Variants in SPATA16 observed in about 807,000 individuals in gnomAD.
SPATA16 encodes spermatogenesis associated 16.
SPATA16 carries 36 observed loss-of-function variants against 63.3 expected under a neutral mutation model. That is an observed-to-expected ratio of 0.57 (90% CI 0.44 to 0.75). SPATA16 has a LOEUF of 0.75. SPATA16 is among the 30% of genes least tolerant of loss of function. The pLI, the probability that SPATA16 is intolerant of heterozygous loss-of-function variation, is 0.00. For synonymous variants in SPATA16, 203 were observed against 216.7 expected (o/e 0.94, Z 0.56); for missense variants, 646 against 679.3 (o/e 0.95, Z 0.54).
intron 3 of SPATA16, among the ~76,000 whole-genome samples, chr3:173,030,666 G>A (rs938972968): frequency 6.6e-6 from 1 of 152,006 alleles, no homozygotes. Flanking sequence ...AACAAAGTAT[G>A]GAAGTTCCTC....
chr3:173,062,233 G>A (rs1203272797), intron 2 of SPATA16, among the ~76,000 whole-genome samples: 1 of 152,002 alleles, frequency 6.6e-6, no homozygotes, highest in Non-Finnish European at 1.5e-5. Flanking sequence ...GTTACCTAAT[G>A]TGAAAAGCAG....
rs1268742945 is a variant in SPATA16 at position 172,942,086 on chromosome 3, A to G, written c.1081+14591T>C. Among the ~76,000 whole-genome samples, 6 of 152,106 alleles carry G rather than the reference A, an allele frequency of 3.9e-5. No homozygotes were observed. The South Asian group carries it at 1.2e-3, about 32-fold the overall frequency. ...CTAAAGCCTATAATATGGCAGAAAT[A>G]ACCAAACATAACACAGAAATCGACA... On this transcript the variant is annotated intron_variant, in intron 6 of 10. Transcript: ENST00000351008.
At position 172,937,194 on chromosome 3, in the gene SPATA16, G is replaced by C. The variant is rs140342836; in HGVS notation, c.1082-11702C>G. 5.0e-3 allele frequency among the ~76,000 whole-genome samples: 756 copies of C among 152,312 alleles called. 1 individual carries two copies. The highest frequency in any genetic ancestry group is 0.014 in the Middle Eastern group (4 of 294). On this transcript the variant is annotated intron_variant, in intron 6 of 10. Transcript: ENST00000351008. ...AAATCACTTCAGAACTGGTATCAGA[G>C]GTGGGATTTGCTAGAATGGCCCTGA... is the stretch of plus-strand genomic sequence containing the variant.
chr3:173,029,874 CT>C (rs1217818477), intron 3 of SPATA16, among the ~76,000 whole-genome samples: 53 of 152,118 alleles, frequency 3.5e-4, no homozygotes, highest in African/African-American at 1.3e-3. Flanking sequence ...ACCTTAGTAG[CT>C]GGGACCACAG....
intron 2 of SPATA16, among the ~76,000 whole-genome samples, chr3:173,050,772 G>GA (rs1350307233): frequency 3.9e-5 from 6 of 151,910 alleles, no homozygotes; most frequent in Non-Finnish European, 8.8e-5. Context: ...CAATAATTTT[G>GA]AAAAAAATTA....
At chr3:173,077,421 G>A (rs528470776) in intron 2 of SPATA16, among the ~76,000 whole-genome samples, 1 of 152,310 alleles carries the variant, frequency 6.6e-6, no homozygotes, top group African/African-American at 2.4e-5. Flanking sequence ...GGAATTTCAA[G>A]CATTATTTAT....
intron 8 of SPATA16, among the ~76,000 whole-genome samples, chr3:172,921,026 C>T (rs926630165): frequency 2.0e-5 from 3 of 151,182 alleles, no homozygotes; most frequent in African/African-American, 7.3e-5. Context: ...AAGTATATTT[C>T]CTAGCCATTA....
intron 6 of SPATA16, among the ~76,000 whole-genome samples, chr3:172,937,261 G>A (rs549114095): frequency 1.3e-5 from 2 of 152,300 alleles, no homozygotes; most frequent in African/African-American, 2.4e-5. Flanking sequence ...GGATGAAATG[G>A]TGAGGGAGGA....
At chr3:173,087,015 G>A (rs1340095403) in intron 2 of SPATA16, among the ~76,000 whole-genome samples, 2 of 152,102 alleles carry the variant, frequency 1.3e-5, no homozygotes, top group Non-Finnish European at 1.5e-5. Context: ...TTGTTTTTGG[G>A]TGGAGATTTC....
chr3:173,018,311 G>T (rs940936161), intron 4 of SPATA16, among the ~76,000 whole-genome samples: 1 of 144,380 alleles, frequency 6.9e-6, no homozygotes, highest in African/African-American at 2.6e-5. Flanking sequence ...TTTCGCTCTC[G>T]TTGCCCAGGC....
intron 8 of SPATA16, among the ~76,000 whole-genome samples, chr3:172,918,987 A>T (rs1732559672): frequency 6.6e-6 from 1 of 152,242 alleles, no homozygotes; most frequent in African/African-American, 2.4e-5. Flanking sequence ...AGAAACATTC[A>T]TTGCAAAAAA....
intron 10 of SPATA16, among the ~76,000 whole-genome samples, chr3:172,904,744 T>C (rs530048122): frequency 6.6e-6 from 1 of 152,326 alleles, no homozygotes; most frequent in South Asian, 2.1e-4. Flanking sequence ...ATTTGGAGCA[T>C]TGGACTGTGG....
intron 2 of SPATA16, among the ~76,000 whole-genome samples, chr3:173,057,685 G>A (rs1404777754): frequency 1.3e-5 from 2 of 152,208 alleles, no homozygotes; most frequent in Admixed American, 6.5e-5. Flanking sequence ...GTTTAATCAC[G>A]CACCAGAGCC....
rs568258516 is a variant in SPATA16, at chr3:172,912,136, C to A, written c.1587+1525G>T. 2.0e-5 allele frequency among the ~76,000 whole-genome samples: 3 copies of A among 152,152 alleles called. No homozygotes were observed. In the East Asian group the frequency reaches 5.8e-4, roughly 29 times the overall value. On this transcript the variant is annotated intron_variant, in intron 10 of 10. Transcript: ENST00000351008. The stretch of plus-strand genomic sequence containing the variant: ...AAAAACACTTCAGTACGAAGTGGTC[C>A]CTCTGTTTAGAAATATCCCCTTTTA...
In SPATA16 at chr3:173,026,359, G is replaced by C. The variant is rs572831000; in HGVS notation, c.759-6784C>G. Among the ~76,000 whole-genome samples, 4 of 151,844 alleles carry C rather than the reference G, an allele frequency of 2.6e-5. No homozygotes were observed. The South Asian group carries it at 8.3e-4, about 32-fold the overall frequency. On this transcript the variant is annotated intron_variant, in intron 3 of 10. Coordinates refer to ENST00000351008, the MANE Select transcript of SPATA16 (RefSeq NM_031955.6). Reference sequence around the variant, plus strand: ...AAATTCTTTGTAAGATACATATACTGCACATATTTTTCTCTGAGTCTGTGG... The same window carrying C: ...AAATTCTTTGTAAGATACATATACTCCACATATTTTTCTCTGAGTCTGTGG...
intron 6 of SPATA16, 103 bp downstream of exon 6, chr3:172,956,574 A>G: frequency 1.6e-6 from 2 of 1,279,452 alleles, no homozygotes; most frequent in Non-Finnish European, 2.2e-6. Flanking sequence ...AAAACAGTGT[A>G]CTCCTAAAAC....
At chr3:172,985,947 G>A (rs924335719) in intron 4 of SPATA16, among the ~76,000 whole-genome samples, 4 of 152,114 alleles carry the variant, frequency 2.6e-5, no homozygotes, top group African/African-American at 9.7e-5. Flanking sequence ...AGGTAGCATG[G>A]GAACTTCTGG....
chr3:172,982,383 G>A (rs934993569), intron 4 of SPATA16, among the ~76,000 whole-genome samples: 1 of 152,168 alleles, frequency 6.6e-6, no homozygotes, highest in African/African-American at 2.4e-5. Flanking sequence ...TGTATTTATG[G>A]CATAAATTGA....
rs1198346617 is a variant in SPATA16, at chr3:172,996,190, G to A, written c.849-19138C>T. The stretch of plus-strand genomic sequence containing the variant: ...ACCATAAAAGTGATGTTGTGTCTTC[G>A]TTGCATACTGTCAGTGGGTACGTGA... On this transcript the variant is annotated intron_variant, in intron 4 of 10. Coordinates refer to ENST00000351008, the MANE Select transcript of SPATA16 (RefSeq NM_031955.6). Among the ~76,000 whole-genome samples, 4 of 152,122 alleles carry A rather than the reference G, an allele frequency of 2.6e-5. No individual in the cohort carries two copies. The East Asian group carries it at 7.7e-4, about 29-fold the overall frequency.
Sources: gnomAD v4.1 joint callset for allele counts (sites outside exome capture counted in the v4.1 genomes callset) on GRCh38, gnomAD v4.1.1 for gene constraint, MANE v1.5 for transcripts, NCBI Gene and HGNC (gene_info 2026-07-23, HGNC 2026-07-21) for gene names.